ZFYVE26: variants seen among roughly 807,000 people sequenced by gnomAD.
ZFYVE26 encodes the protein zinc finger FYVE-type containing 26.
ZFYVE26 carries 181 observed loss-of-function variants against 276.5 expected under a neutral mutation model. The observed-to-expected ratio is 0.65, with a 90% CI of 0.58 to 0.74. The LOEUF (loss-of-function observed/expected upper bound fraction) is 0.74. Among genes scored for constraint, ZFYVE26 ranks in the 30% least tolerant of loss-of-function variants. ZFYVE26 has a pLI of 0.00. For missense variants in ZFYVE26, 2,821 were observed against 3,097.9 expected (o/e 0.91, Z 2.12); for synonymous variants, 1,129 against 1,203.1 (o/e 0.94, Z 1.27).
chr14:67,783,182 A>T lies in ZFYVE26; in HGVS notation c.3970T>A (p.Ser1324Thr), dbSNP rs776708469. Residue 1324 changes from serine (S) to threonine (T), a missense_variant, in exon 21 of 42, where the codon TCC becomes ACC. By Grantham distance (58) the Ser-to-Thr change is moderately conservative. Transcript: ENST00000347230. ...LLATVACLGA[S>T]PRLKVSKPSL... ...GGTTTGCTGACCTTTAACCTCGGGG[A>T]AGCCCCCAGGCAGGCCACCGTAGCT... is the stretch of plus-strand genomic sequence containing the variant. 1.3e-4 allele frequency: 213 copies of T among 1,610,198 alleles called. No homozygotes were observed. The Middle Eastern group carries it at 1.5e-3, about 11-fold the overall frequency.
Position 67,766,454 on chromosome 14 carries a change from G to A in ZFYVE26, c.5791-7C>T, listed in dbSNP as rs879477348. On this transcript the variant is annotated splice_region_variant and splice_polypyrimidine_tract_variant and intron_variant, in intron 31 of 41. Transcript: ENST00000347230. ...ACAAGGAGGCGCTGGGGGCCTGGCC[G>A]GGGTGGAAGAAGGGAGAACACACGG... 27 of 1,611,868 alleles carry A rather than the reference G, an allele frequency of 1.7e-5. No individual in the cohort carries two copies. Among genetic ancestry groups the A allele is most frequent in the Non-Finnish European group, 2.2e-5 (26 of 1,179,806 alleles).
chr14:67,805,069 G>T, intron 8 of ZFYVE26, 148 bp downstream of exon 8: 1 of 740,442 alleles, frequency 1.4e-6, no homozygotes, highest in Non-Finnish European at 2.4e-6. Context: ...TTCTTTCTTG[G>T]TTTAATTGTT....
chr14:67,755,803 G>A, intron 36 of ZFYVE26, 145 bp downstream of exon 36: 2 of 927,310 alleles, frequency 2.2e-6, no homozygotes, highest in Non-Finnish European at 3.5e-6. Flanking sequence ...TAACAATACT[G>A]GAGAGCAACA....
intron 3 of ZFYVE26, among the ~76,000 whole-genome samples, chr14:67,811,801 A>T (rs1938934512): frequency 6.7e-6 from 1 of 149,110 alleles, no homozygotes; most frequent in Non-Finnish European, 1.5e-5. Flanking sequence ...TTAATTTTGT[A>T]ATTTTACAAA....
chr14:67,796,081 G>C (rs747675759), intron 12 of ZFYVE26: 1 of 152,186 alleles, frequency 6.6e-6, no homozygotes, highest in Non-Finnish European at 1.5e-5. Context: ...ATAGGAGGGA[G>C]AGAAGGATGG....
intron 27 of ZFYVE26, among the ~76,000 whole-genome samples, chr14:67,774,745 T>C (rs750176518): frequency 6.6e-6 from 1 of 152,222 alleles, no homozygotes; most frequent in Non-Finnish European, 1.5e-5. Context: ...GATACGTGTA[T>C]ACATGTACAC....
intron 23 of ZFYVE26, among the ~76,000 whole-genome samples, chr14:67,779,426 G>T (rs578169829): frequency 1.3e-5 from 2 of 152,182 alleles, no homozygotes; most frequent in South Asian, 4.1e-4. Flanking sequence ...TTAGCTGGGC[G>T]TGGTGGCTGC....
At position 67,782,896 on chromosome 14, in the gene ZFYVE26, T is replaced by A. The variant is rs138961561; in HGVS notation, c.4256A>T (p.Glu1419Val). 95 of 1,614,036 alleles carry A rather than the reference T, an allele frequency of 5.9e-5. No homozygotes were observed. Among genetic ancestry groups the A allele is most frequent in the Non-Finnish European group, 5.9e-5 (70 of 1,180,036 alleles). ...ALDVLSEAFEESLVARDWSRA... is the reference protein window; with the variant it reads ...ALDVLSEAFEVSLVARDWSRA... ...GGACCAATCTCTGGCCACCAAGGATTCCTCAAAAGCCTCACTCAGTACATC... is the reference window on the plus strand; with the variant it reads ...GGACCAATCTCTGGCCACCAAGGATACCTCAAAAGCCTCACTCAGTACATC... The change falls in exon 21 of 42, where the codon GAA becomes GTA. Residue 1419 changes from glutamate (E) to valine (V), a missense_variant. Coordinates refer to ENST00000347230, the MANE Select transcript of ZFYVE26 (RefSeq NM_015346.4).
At chr14:67,762,170 C>T in intron 34 of ZFYVE26, 33 bp downstream of exon 34, 1 of 1,609,556 alleles carries the variant, frequency 6.2e-7, no homozygotes, top group Non-Finnish European at 8.5e-7. Context: ...GTCTCCCTCC[C>T]TGAGCCAGGC....
intron 13 of ZFYVE26, among the ~76,000 whole-genome samples, chr14:67,741,193 T>G (rs2038412471): frequency 1.3e-5 from 2 of 152,312 alleles, no homozygotes; most frequent in South Asian, 4.1e-4. Context: ...AGCCTTTGAA[T>G]GCAGTTAAGT....
chr14:67,789,141 TCCCCAAA>T (rs2039741509), intron 16 of ZFYVE26, among the ~76,000 whole-genome samples, 187 bp downstream of exon 16: 1 of 152,222 alleles, frequency 6.6e-6, no homozygotes, highest in African/African-American at 2.4e-5. Flanking sequence ...ATAAAGAATT[TCCCCAAA>T]TTGCTATGTC....
At chr14:67,810,150 T>G (rs1042319299) in intron 3 of ZFYVE26, among the ~76,000 whole-genome samples, 8 of 152,234 alleles carry the variant, frequency 5.3e-5, no homozygotes, top group Middle Eastern at 3.2e-3. Flanking sequence ...AAACTAATAC[T>G]TAAAGCCCAC....
Position 67,778,128 on chromosome 14 carries a change from G to T in ZFYVE26, c.4795C>A (p.Gln1599Lys), listed in dbSNP as rs777347752. 2.5e-6 allele frequency: 4 copies of T among 1,614,180 alleles called. No homozygotes were observed. The highest frequency in any genetic ancestry group is 2.5e-6 in the Non-Finnish European group (3 of 1,180,020). Residue 1599 changes from glutamine to lysine, a missense_variant and splice_region_variant, in exon 24 of 42, where the codon CAA becomes AAA. Gln to Lys is a moderately conservative substitution (Grantham distance 53). Transcript: ENST00000347230. ...LERRDHDKAL[Q>K]LLRRIPDPTM... is the part of the protein sequence containing the mutation. ...AATGGAAAGAACTGGGGGCTTACTT[G>T]CAGAGCCTTGTCATGATCTCTTCTT...
chr14:67,730,989 A>T (rs929556149), intron 13 of ZFYVE26, among the ~76,000 whole-genome samples: 7 of 152,200 alleles, frequency 4.6e-5, no homozygotes, highest in South Asian at 4.1e-4. Flanking sequence ...AAATGAGATA[A>T]AAGATATCTC....
At position 67,785,086 on chromosome 14, in the gene ZFYVE26, G is replaced by C. The variant is rs1475747734; in HGVS notation, c.3496C>G (p.Leu1166Val). The stretch of plus-strand genomic sequence containing the variant: ...GGCTCAGAGCTCAAACTTTGAAGGA[G>C]AACTGCAGCAAGGGTGCTGCAGTAA... The part of the protein sequence containing the change: ...FSYCSTLAAV[L>V]LQSLSSEPDH... The change falls in exon 19 of 42, where the codon CTC (leucine) becomes GTC (valine). Residue 1166 changes from leucine to valine, a missense_variant. Coordinates refer to ENST00000347230, the MANE Select transcript of ZFYVE26 (RefSeq NM_015346.4). 1 of 1,614,058 alleles carries C rather than the reference G, an allele frequency of 6.2e-7. No individual in the cohort carries two copies. Among genetic ancestry groups the C allele is most frequent in the Non-Finnish European group, 8.5e-7 (1 of 1,180,036 alleles).
intron 19 of ZFYVE26, 35 bp from the exon 20 acceptor site, chr14:67,784,471 CACT>C (rs1298311475): frequency 6.3e-7 from 1 of 1,578,212 alleles, no homozygotes; most frequent in Non-Finnish European, 8.7e-7. Context: ...TTGTTTGCAC[CACT>C]GACTGCAAGA....
In ZFYVE26 at chr14:67,755,047, C is replaced by T. The variant is rs73276697; in HGVS notation, c.6986+4G>A. On this transcript the variant is annotated splice_donor_region_variant and intron_variant, in intron 37 of 41. Coordinates refer to ENST00000347230, the MANE Select transcript of ZFYVE26 (RefSeq NM_015346.4). Reference sequence around the variant, plus strand: ...CACCAATAGTCCCCTGAACCTCCAGCTACCTTGACACATCAGCTGCAGTCA... The same window carrying T: ...CACCAATAGTCCCCTGAACCTCCAGTTACCTTGACACATCAGCTGCAGTCA... 6.2e-7 allele frequency: 1 copy of T among 1,613,734 alleles called. No homozygotes were observed. Among genetic ancestry groups the T allele is most frequent in the East Asian group, 2.2e-5 (1 of 44,890 alleles).
intron 12 of ZFYVE26, among the ~76,000 whole-genome samples, chr14:67,795,990 G>C (rs528555841): frequency 2.0e-5 from 3 of 152,174 alleles, no homozygotes; most frequent in Non-Finnish European, 2.9e-5. Flanking sequence ...TATTGGTGAA[G>C]GTTTTAAAAA....
chr14:67,786,383 G>C, intron 16 of ZFYVE26, 150 bp from the exon 17 acceptor site: 1 of 1,034,206 alleles, frequency 9.7e-7, no homozygotes, highest in Non-Finnish European at 1.4e-6. Context: ...GTGACAACCA[G>C]TATACTTGGC....
Sources: allele counts gnomAD v4.1 joint callset (sites outside exome capture counted in the v4.1 genomes callset), GRCh38; gene constraint gnomAD v4.1.1; transcripts MANE v1.5; gene names NCBI Gene and HGNC (gene_info 2026-07-23, HGNC 2026-07-21).